Variants in ANK3 observed in about 807,000 individuals in gnomAD.
ANK3 encodes ankyrin-3.
Under a neutral mutation model 370.9 loss-of-function variants are expected in ANK3, and 57 were observed. The observed-to-expected ratio is 0.15, with a 90% confidence interval of 0.12 to 0.19. ANK3 has a LOEUF of 0.19. ANK3 is among the 10% of genes least tolerant of loss of function. ANK3 has a pLI of 1.00. For synonymous variants in ANK3, 1,929 were observed against 1,946.3 expected (o/e 0.99, Z 0.23); for missense variants, 4,439 against 5,302.1 (o/e 0.84, Z 5.06).
chr10:60,103,582 G>A (rs536312400), intron 28 of ANK3, among the ~76,000 whole-genome samples: 6 of 152,164 alleles, frequency 3.9e-5, no homozygotes, highest in South Asian at 2.1e-4. Context: ...AGAAGGGTTC[G>A]AGTTTGGCAT....
intron 25 of ANK3, among the ~76,000 whole-genome samples, chr10:60,123,334 C>T (rs190878308): frequency 2.4e-4 from 37 of 152,204 alleles, no homozygotes; most frequent in African/African-American, 8.7e-4. Context: ...TCACCGTCTC[C>T]AAGAGCTTAA....
rs147595562 is a variant in ANK3, at chr10:60,340,602, G to A, written c.114+48823C>T. Among the ~76,000 whole-genome samples the A allele has an allele frequency of 2.4e-3, 362 of 152,120 alleles. 2 individuals carry two copies. The Middle Eastern group carries it at 0.024, about 10-fold the overall frequency. The stretch of plus-strand genomic sequence containing the variant: ...AATTTTTGTATTTGTAGTAGATATG[G>A]GGTTTCACCATGTTGGCCATGCTGG... On this transcript the variant is annotated intron_variant, in intron 1 of 43. Coordinates refer to ENST00000280772, the MANE Select transcript of ANK3 (RefSeq NM_020987.5).
intron 24 of ANK3, among the ~76,000 whole-genome samples, chr10:60,135,443 A>C (rs1274445909): frequency 6.6e-6 from 1 of 152,240 alleles, no homozygotes; most frequent in Admixed American, 6.5e-5. Context: ...GCTGAAGTCT[A>C]GAATTGGCTC....
chr10:60,581,307 T>A (rs1264708270), intron 2 of ANK3, among the ~76,000 whole-genome samples: 1 of 152,032 alleles, frequency 6.6e-6, no homozygotes, highest in African/African-American at 2.4e-5. Context: ...AATATAAAGG[T>A]CGTTCATAAT....
At chr10:60,126,546 G>A (rs1464264697) in intron 25 of ANK3, among the ~76,000 whole-genome samples, 1 of 151,960 alleles carries the variant, frequency 6.6e-6, no homozygotes, top group African/African-American at 2.4e-5. Flanking sequence ...AAATTAGCGA[G>A]GTGTGGTGGT....
chr10:60,281,015 C>T (rs558742633), intron 1 of ANK3, among the ~76,000 whole-genome samples: 1 of 152,254 alleles, frequency 6.6e-6, no homozygotes, highest in South Asian at 2.1e-4. Flanking sequence ...GGAAAGCAGC[C>T]AGGATGCCAG....
chr10:60,258,642 T>C (rs900436959), intron 7 of ANK3, among the ~76,000 whole-genome samples: 2 of 152,196 alleles, frequency 1.3e-5, no homozygotes, highest in East Asian at 1.9e-4. Flanking sequence ...GGAACATCTA[T>C]TGCATGCAGG....
At chr10:60,721,623 T>C (rs960191917) in intron 1 of ANK3, among the ~76,000 whole-genome samples, 1 of 152,216 alleles carries the variant, frequency 6.6e-6, no homozygotes, top group Non-Finnish European at 1.5e-5. Context: ...AAATGATTTG[T>C]ACTTCATTCC....
At chr10:60,108,117 T>C in intron 27 of ANK3, 1 of 385,992 alleles carries the variant, frequency 2.6e-6, no homozygotes, top group Non-Finnish European at 5.1e-6. Context: ...ACCATGGGTG[T>C]GACAGAAAAA....
intron 1 of ANK3, among the ~76,000 whole-genome samples, chr10:60,630,572 CT>C (rs2078467804): frequency 6.6e-6 from 1 of 151,996 alleles, no homozygotes; most frequent in African/African-American, 2.4e-5. Flanking sequence ...AAGATGTGGG[CT>C]AGTTTGGGTC....
chr10:60,163,058 A>T (rs1456799619), intron 23 of ANK3, among the ~76,000 whole-genome samples: 1 of 152,166 alleles, frequency 6.6e-6, no homozygotes, highest in Non-Finnish European at 1.5e-5. Flanking sequence ...CAATCACTTG[A>T]ACCTTAATCT....
chr10:60,727,892 T>C (rs1589085704), intron 1 of ANK3, among the ~76,000 whole-genome samples: 1 of 152,206 alleles, frequency 6.6e-6, no homozygotes, highest in Non-Finnish European at 1.5e-5. Context: ...TAGTTATTTA[T>C]CTGTGCTTCC....
chr10:60,158,353 A>G (rs1225675007), intron 23 of ANK3, among the ~76,000 whole-genome samples: 2 of 152,224 alleles, frequency 1.3e-5, no homozygotes, highest in Non-Finnish European at 2.9e-5. Flanking sequence ...ATTGTGGTGT[A>G]CAAACCACTC....
chr10:60,439,601 A>G (rs2064246294), intron 2 of ANK3, among the ~76,000 whole-genome samples: 1 of 152,232 alleles, frequency 6.6e-6, no homozygotes. Context: ...ACCATGGGAC[A>G]TTTTAAATTG....
intron 2 of ANK3, among the ~76,000 whole-genome samples, chr10:60,449,138 G>A (rs2064529481): frequency 6.6e-6 from 1 of 152,098 alleles, no homozygotes; most frequent in South Asian, 2.1e-4. Flanking sequence ...TAGTAACAAG[G>A]TGGCTAGAGG....
At chr10:60,592,514 C>T (rs1332226312) in intron 2 of ANK3, among the ~76,000 whole-genome samples, 1 of 152,174 alleles carries the variant, frequency 6.6e-6, no homozygotes, top group Admixed American at 6.5e-5. Context: ...AATCCCAGCT[C>T]TTTGGGAGGC....
intron 2 of ANK3, among the ~76,000 whole-genome samples, chr10:60,504,134 T>C (rs1387099956): frequency 6.6e-6 from 1 of 152,198 alleles, no homozygotes; most frequent in African/African-American, 2.4e-5. Context: ...AAGACATACA[T>C]TGGATGTTTA....
chr10:60,139,526 T>TAA, intron 23 of ANK3: 1 of 152,416 alleles, frequency 6.6e-6, no homozygotes, highest in Admixed American at 6.6e-5. Context: ...AACAGACATT[T>TAA]AAAAAAAAAA....
chr10:60,479,839 C>T (rs1016906333), intron 2 of ANK3, among the ~76,000 whole-genome samples: 14 of 152,192 alleles, frequency 9.2e-5, no homozygotes, highest in Admixed American at 8.5e-4. Context: ...TTTCACAACG[C>T]TTTTGATTAC....
Sources: gnomAD v4.1 joint callset for allele counts (sites outside exome capture counted in the v4.1 genomes callset) on GRCh38, gnomAD v4.1.1 for gene constraint, MANE v1.5 for transcripts, NCBI Gene and HGNC (gene_info 2026-07-23, HGNC 2026-07-21) for gene names.